DCP1B: variants seen among roughly 807,000 people sequenced by gnomAD.
DCP1B encodes decapping mRNA 1B, also known as mRNA-decapping enzyme 1B.
Under a neutral mutation model 60.5 loss-of-function variants are expected in DCP1B, and 47 were observed. The observed-to-expected ratio is 0.78, with a 90% CI of 0.61 to 0.99. The LOEUF (loss-of-function observed/expected upper bound fraction) is 0.99, where lower values mean the gene tolerates loss of function less well. Ranked by LOEUF, DCP1B falls within the 50% of genes least tolerant of loss-of-function variation. The pLI is 0.00. For missense variants in DCP1B, 725 were observed against 756.8 expected (o/e 0.96, Z 0.49); for synonymous variants, 267 against 280.3 (o/e 0.95, Z 0.47).
rs751555049 is a variant in DCP1B, at chr12:1,953,036, C to T, written c.904G>A (p.Ala302Thr). Residue 302 changes from alanine (A) to threonine (T), a missense_variant, in exon 7 of 9, where the codon GCA (alanine) becomes ACA (threonine). Ala to Thr is a moderately conservative substitution (Grantham distance 58, BLOSUM62 0). Coordinates refer to ENST00000280665, the MANE Select transcript of DCP1B (RefSeq NM_152640.5). ...AGCTCTGACAATGGGTGGAGGTCTG[C>T]GCTCCTGACCATGAGTTTCTGAATG... ...PAIQKLMVRSADLHPLSELPE... is the reference protein window; with the variant it reads ...PAIQKLMVRSTDLHPLSELPE... 3.5e-5 allele frequency: 56 copies of T among 1,614,056 alleles called. No individual in the cohort carries two copies. The highest frequency in any genetic ancestry group is 4.5e-5 in the East Asian group (2 of 44,900).
chr12:1,981,446 T>G (rs533901087), intron 3 of DCP1B, among the ~76,000 whole-genome samples: 5 of 152,348 alleles, frequency 3.3e-5, no homozygotes. Context: ...AAGACACCTT[T>G]GCCCTGAAGG....
chr12:1,987,811 A>C (rs928062979), intron 3 of DCP1B, among the ~76,000 whole-genome samples: 2 of 152,198 alleles, frequency 1.3e-5, no homozygotes, highest in South Asian at 4.1e-4. Context: ...TACATGGTGT[A>C]CTATGATTAC....
chr12:1,978,380 G>C (rs1225437359), intron 3 of DCP1B, among the ~76,000 whole-genome samples: 1 of 152,180 alleles, frequency 6.6e-6, no homozygotes, highest in Non-Finnish European at 1.5e-5. Context: ...AAGAGTTAGT[G>C]TAATATTCTA....
At chr12:1,984,393 T>C (rs2037051010) in intron 3 of DCP1B, among the ~76,000 whole-genome samples, 1 of 152,132 alleles carries the variant, frequency 6.6e-6, no homozygotes, top group Admixed American at 6.5e-5. Context: ...TATTTCTTTT[T>C]AGTGGTTGCT....
At chr12:1,991,235 C>T in intron 3 of DCP1B, 1 of 456,076 alleles carries the variant, frequency 2.2e-6, no homozygotes, top group Non-Finnish European at 4.4e-6. Flanking sequence ...ACTGGAGTCT[C>T]AGTTTCCTCA....
downstream of DCP1B, among the ~76,000 whole-genome samples, chr12:1,942,177 A>G (rs1348853637): frequency 6.6e-6 from 1 of 152,252 alleles, no homozygotes; most frequent in Non-Finnish European, 1.5e-5. Context: ...ACCAACAAAG[A>G]TCAAAAAAGA....
At chr12:1,949,762 G>A (rs550217475) in intron 7 of DCP1B, among the ~76,000 whole-genome samples, 1 of 152,314 alleles carries the variant, frequency 6.6e-6, no homozygotes, top group East Asian at 1.9e-4. Context: ...CGCTGTGAGA[G>A]CAACTCCCCG....
intron 3 of DCP1B, among the ~76,000 whole-genome samples, chr12:1,985,320 C>T (rs966571507): frequency 2.0e-5 from 3 of 152,136 alleles, no homozygotes; most frequent in South Asian, 2.1e-4. Context: ...GCTCTATATT[C>T]TTCAGGTTTG....
intron 3 of DCP1B, among the ~76,000 whole-genome samples, chr12:1,968,122 T>G (rs960187550): frequency 1.3e-5 from 2 of 152,064 alleles, no homozygotes; most frequent in African/African-American, 2.4e-5. Flanking sequence ...CCCAGTACTT[T>G]GGGATCACTT....
At chr12:1,950,238 C>A in intron 7 of DCP1B, 1 of 662,370 alleles carries the variant, frequency 1.5e-6, no homozygotes, top group East Asian at 2.7e-5. Context: ...CAGGCTGTTT[C>A]TTTTAACTTG....
At chr12:2,000,388 A>C (rs2041915513) in intron 1 of DCP1B, among the ~76,000 whole-genome samples, 1 of 152,110 alleles carries the variant, frequency 6.6e-6, no homozygotes, top group Admixed American at 6.5e-5. Flanking sequence ...GGATATCTAT[A>C]TATATCAGCA....
intron 1 of DCP1B, 95 bp from the exon 2 acceptor site, chr12:1,998,070 C>A (rs1054629918): frequency 9.5e-7 from 1 of 1,052,388 alleles, no homozygotes; most frequent in Non-Finnish European, 1.4e-6. Context: ...TTATATATAA[C>A]TTCAATGGGC....
chr12:1,948,170 T>G lies in DCP1B; in HGVS notation c.1773+916A>C, dbSNP rs953484773. On this transcript the variant is annotated intron_variant, in intron 8 of 8. Transcript: ENST00000280665. The surrounding 1 kb of genome is among the most constrained non-coding windows in gnomAD (Gnocchi z 4.8). ...TGTCTGAAGTCTGTCTGGCTACAAA[T>G]GTTCCACTTTTCAAGGACTGCCGTT... 7.2e-5 allele frequency among the ~76,000 whole-genome samples: 11 copies of G among 152,268 alleles called. No individual in the cohort carries two copies. Among genetic ancestry groups the G allele is most frequent in the Non-Finnish European group, 1.6e-4 (11 of 68,046 alleles).
chr12:2,002,658 T>G (rs1436409365), intron 1 of DCP1B, among the ~76,000 whole-genome samples: 2 of 152,242 alleles, frequency 1.3e-5, no homozygotes, highest in Middle Eastern at 3.2e-3. Context: ...GACAGTTTCT[T>G]GGGATTCTCC....
chr12:1,978,120 CAA>C (rs2034996635), intron 3 of DCP1B, among the ~76,000 whole-genome samples: 3 of 152,190 alleles, frequency 2.0e-5, no homozygotes, highest in African/African-American at 4.8e-5. Context: ...ATATTTTTGG[CAA>C]AGAGAAATCT....
At chr12:1,993,115 C>T (rs755784578) in intron 3 of DCP1B, 149 bp downstream of exon 3, 2 of 984,538 alleles carry the variant, frequency 2.0e-6, no homozygotes, top group Non-Finnish European at 3.3e-6. Context: ...TTAGGGCATG[C>T]ATTTCCTAAA....
rs373737300 is a variant in DCP1B at position 1,965,638 on chromosome 12, G to A, written c.442C>T (p.Pro148Ser). Residue 148 changes from proline (P) to serine (S), a missense_variant, in exon 5 of 9, where the codon CCA becomes TCA. Pro to Ser is a moderately conservative substitution (Grantham distance 74). Transcript: ENST00000280665. The stretch of plus-strand genomic sequence containing the variant: ...CCCTCTCCTGAATTGAGGATCACTG[G>A]GGAAATTCCTGCTCCAGTTCCCTGA... Reference protein sequence around the residue: ...AHQGTGAGISPVILNSGEGKE... With the variant: ...AHQGTGAGISSVILNSGEGKE... 1.2e-4 allele frequency: 198 copies of A among 1,613,758 alleles called. No individual in the cohort carries two copies. The highest frequency in any genetic ancestry group is 1.6e-4 in the Non-Finnish European group (185 of 1,179,910).
chr12:2,003,992 T>G (rs2042783154), intron 1 of DCP1B, among the ~76,000 whole-genome samples: 1 of 152,062 alleles, frequency 6.6e-6, no homozygotes, highest in Non-Finnish European at 1.5e-5. Context: ...ATCAGGTCCT[T>G]CCTTTCCTTC....
intron 2 of DCP1B, among the ~76,000 whole-genome samples, chr12:1,994,241 TG>T (rs557002665): frequency 9.1e-4 from 139 of 152,326 alleles, no homozygotes; most frequent in Middle Eastern, 3.4e-3. Context: ...ACTTACACAC[TG>T]AAGCTGAAGC....
Sources: gnomAD v4.1 joint callset for allele counts (sites outside exome capture counted in the v4.1 genomes callset) on GRCh38, gnomAD v4.1.1 for gene constraint, Gnocchi (gnomAD v3.1) non-coding constraint, MANE v1.5 for transcripts, NCBI Gene and HGNC (gene_info 2026-07-23, HGNC 2026-07-21) for gene names.